Variants in NPSR1 observed in about 807,000 individuals in gnomAD.
NPSR1 encodes neuropeptide S receptor.
In NPSR1, 48 loss-of-function variants were observed where a neutral mutation model predicts 46.9. The observed-to-expected ratio is 1.02, with a 90% CI of 0.81 to 1.30. NPSR1 has a LOEUF of 1.30. NPSR1 is among the 50% of genes most tolerant of loss of function. The probability of loss-of-function intolerance (pLI) is 0.00; values close to 1 mark genes in which losing one functional copy is unlikely to be tolerated. For synonymous variants in NPSR1, 176 were observed against 168.1 expected (o/e 1.05, Z -0.36); for missense variants, 450 against 449.5 (o/e 1.00, Z -0.01).
intron 2 of NPSR1, among the ~76,000 whole-genome samples, chr7:34,726,858 G>T (rs1268209034): frequency 6.6e-6 from 1 of 152,032 alleles, no homozygotes; most frequent in Non-Finnish European, 1.5e-5. Flanking sequence ...CAGGGATTAG[G>T]GAGGGGGAGG....
chr7:34,851,042 G>A (rs79729340), downstream of NPSR1, among the ~76,000 whole-genome samples: 16 of 152,282 alleles, frequency 1.1e-4, no homozygotes, highest in East Asian at 2.7e-3. Context: ...AAGTGGAAGT[G>A]AAATAATTTC....
chr7:34,702,901 C>T (rs10951425), intron 2 of NPSR1, among the ~76,000 whole-genome samples: 57,410 of 151,864 alleles, frequency 0.38, 11,450 homozygotes, highest in African/African-American at 0.49. Context: ...TGCTCTAGAA[C>T]CCGCTAGCAT....
At chr7:34,819,320 C>T (rs1223502547) in intron 4 of NPSR1, among the ~76,000 whole-genome samples, 2 of 152,216 alleles carry the variant, frequency 1.3e-5, no homozygotes, top group Non-Finnish European at 2.9e-5. Flanking sequence ...AAAAAATGCT[C>T]ATCATCACTG....
chr7:34,850,398 C>CTTTTT (rs756462912), downstream of NPSR1, among the ~76,000 whole-genome samples: 7 of 113,050 alleles, frequency 6.2e-5, no homozygotes, highest in South Asian at 5.8e-4. Context: ...TCCTTGAGGC[C>CTTTTT]TTTTTTTTTT....
intron 4 of NPSR1, among the ~76,000 whole-genome samples, chr7:34,827,161 A>AG (rs1163626679): frequency 4.6e-5 from 7 of 152,320 alleles, no homozygotes; most frequent in Non-Finnish European, 1.0e-4. Context: ...GGAAAGAAAA[A>AG]GCACCAACCT....
intron 3 of NPSR1, among the ~76,000 whole-genome samples, chr7:34,787,878 GCCTT>G (rs1787534728): frequency 6.6e-6 from 1 of 151,964 alleles, no homozygotes; most frequent in Admixed American, 6.6e-5. Context: ...ATCACAGATA[GCCTT>G]AATGGACGTA....
Position 34,725,567 on chromosome 7 carries a change from A to G in NPSR1, c.280+40883A>G, listed in dbSNP as rs150951780. Among the ~76,000 whole-genome samples, 995 of 152,334 alleles carry G rather than the reference A, an allele frequency of 6.5e-3. 9 individuals are homozygous for G. The highest frequency in any genetic ancestry group is 9.4e-3 in the Non-Finnish European group (639 of 68,036). ...CTGTGCTCCCAAACACAGCCCTCAT[A>G]CAGAACTGCTCCTGTAGTTAAGAAC... On this transcript the variant is annotated intron_variant, in intron 2 of 8. Transcript: ENST00000360581.
chr7:34,677,536 G>C (rs1286341043), intron 1 of NPSR1, among the ~76,000 whole-genome samples: 1 of 152,108 alleles, frequency 6.6e-6, no homozygotes, highest in Non-Finnish European at 1.5e-5. Context: ...AGTTGAAAAG[G>C]CTTCCATATC....
At chr7:34,798,341 C>G (rs1782893243) in intron 3 of NPSR1, among the ~76,000 whole-genome samples, 1 of 152,076 alleles carries the variant, frequency 6.6e-6, no homozygotes, top group African/African-American at 2.4e-5. Context: ...TTGTGGCCAG[C>G]CTGACCAACA....
Position 34,849,712 on chromosome 7 carries a change from C to T in NPSR1, c.*57C>T. 1 of 1,600,890 alleles carries T rather than the reference C, an allele frequency of 6.2e-7. No homozygotes were observed. The highest frequency in any genetic ancestry group is 8.5e-7 in the Non-Finnish European group (1 of 1,173,382). ...ACCATCAGCTCTCCCAGGTCCTTGT[C>T]ACCTGCTTGGGCACGTGCATGGAAC... is the stretch of plus-strand genomic sequence containing the variant. On this transcript the variant is annotated 3_prime_UTR_variant, in exon 9 of 9. Coordinates refer to ENST00000360581, the MANE Select transcript of NPSR1 (RefSeq NM_207172.2).
rs759562525 is a variant in NPSR1 at position 34,848,476 on chromosome 7, C to T, written c.845-7C>T. 33 of 1,613,390 alleles carry T rather than the reference C, an allele frequency of 2.0e-5. No individual in the cohort carries two copies. The highest frequency in any genetic ancestry group is 8.3e-5 in the Admixed American group (5 of 59,984). ...GCTGTGATGCTAATGGCTCTCTTCT[C>T]CCCCAGCCTTCATCTGCTGTTGGAG... is the stretch of plus-strand genomic sequence containing the variant. On this transcript the variant is annotated splice_polypyrimidine_tract_variant and splice_region_variant and intron_variant, in intron 7 of 8. Coordinates refer to ENST00000360581, the MANE Select transcript of NPSR1 (RefSeq NM_207172.2).
chr7:34,755,143 A>G (rs1267770761), intron 2 of NPSR1, among the ~76,000 whole-genome samples: 1 of 152,204 alleles, frequency 6.6e-6, no homozygotes, highest in African/African-American at 2.4e-5. Context: ...ATGTAACTAG[A>G]AGCAGAATTG....
chr7:34,761,533 C>T (rs1014394850), intron 2 of NPSR1, among the ~76,000 whole-genome samples: 2 of 152,160 alleles, frequency 1.3e-5, no homozygotes, highest in Admixed American at 1.3e-4. Context: ...TACCTGATTG[C>T]AGCAGAATGA....
downstream of NPSR1, among the ~76,000 whole-genome samples, chr7:34,850,536 G>A (rs1018406621): frequency 3.3e-5 from 5 of 151,784 alleles, no homozygotes; most frequent in Non-Finnish European, 5.9e-5. Context: ...GAGTAGCTGC[G>A]ACCACAGGTG....
chr7:34,740,956 A>G (rs1484713194), intron 2 of NPSR1, among the ~76,000 whole-genome samples: 1 of 152,038 alleles, frequency 6.6e-6, no homozygotes, highest in Non-Finnish European at 1.5e-5. Flanking sequence ...CTGGATATGG[A>G]ATTCTTGATT....
At chr7:34,812,920 T>C (rs564267012) in intron 4 of NPSR1, among the ~76,000 whole-genome samples, 112 of 152,158 alleles carry the variant, frequency 7.4e-4, no homozygotes, top group Middle Eastern at 3.2e-3. Context: ...GCAAATTTAA[T>C]AGAAGTAGCA....
intron 3 of NPSR1, among the ~76,000 whole-genome samples, chr7:34,780,457 G>T (rs916318052): frequency 2.6e-5 from 4 of 152,042 alleles, no homozygotes; most frequent in African/African-American, 9.7e-5. Context: ...GATAGAGAAA[G>T]AAATTCTGAT....
chr7:34,697,966 TTATAAA>T (rs1793618266), intron 2 of NPSR1, among the ~76,000 whole-genome samples: 1 of 152,096 alleles, frequency 6.6e-6, no homozygotes, highest in Non-Finnish European at 1.5e-5. Flanking sequence ...TTTAATTTGT[TTATAAA>T]AGGTGTACAC....
chr7:34,845,533 G>A (rs984678159), intron 7 of NPSR1: 1 of 454,112 alleles, frequency 2.2e-6, no homozygotes. Flanking sequence ...TGGTGCCCCG[G>A]CTTACTTCCT....
Sources: gnomAD v4.1 joint callset for allele counts (sites outside exome capture counted in the v4.1 genomes callset) on GRCh38, gnomAD v4.1.1 for gene constraint, MANE v1.5 for transcripts, NCBI Gene and HGNC (gene_info 2026-07-23, HGNC 2026-07-21) for gene names.